Variants in FAM13C observed in about 807,000 individuals in gnomAD.
The protein encoded by FAM13C is family with sequence similarity 13 member C.
Under a neutral mutation model 73.2 loss-of-function variants are expected in FAM13C, and 37 were observed. That is an observed-to-expected ratio of 0.51 (90% CI 0.39 to 0.67). FAM13C has a LOEUF of 0.67. Ranked by LOEUF, FAM13C falls within the 30% of genes least tolerant of loss-of-function variation. The pLI, the probability that FAM13C is intolerant of heterozygous loss-of-function variation, is 0.00. For missense variants in FAM13C, 589 were observed against 715.6 expected (o/e 0.82, Z 2.02); for synonymous variants, 246 against 260.9 (o/e 0.94, Z 0.55).
At chr10:59,249,408 G>GAAAAAAAAAAAAAAAAAAAAAAAAAA (rs71006241) in intron 13 of FAM13C, among the ~76,000 whole-genome samples, 1 of 99,164 alleles carries the variant, frequency 1.0e-5, no homozygotes, top group Non-Finnish European at 1.8e-5. Flanking sequence ...CGTCTCAAAA[G>GAAAAAAAAAAAAAAAAAAAAAAAAAA]AAAAAAAAAA....
chr10:59,346,316 T>C (rs934228215), intron 3 of FAM13C, among the ~76,000 whole-genome samples: 1 of 152,210 alleles, frequency 6.6e-6, no homozygotes. Flanking sequence ...ATTTTATAGT[T>C]AGGTTATTTT....
At chr10:59,339,382 G>A (rs1259014111) in intron 3 of FAM13C, among the ~76,000 whole-genome samples, 1 of 146,608 alleles carries the variant, frequency 6.8e-6, no homozygotes, top group African/African-American at 2.5e-5. Context: ...CCCTCTTATG[G>A]TAAAAGTTCA....
rs1216718851 is a variant in FAM13C at position 59,265,330 on chromosome 10, G to GA, written c.943-1165_943-1164insT. On this transcript the variant is annotated intron_variant, in intron 8 of 13. Transcript: ENST00000618804. ...TAGGGAAGGGGTTTTGGCGGGGGGGGGGGGGAATCCTGGTTTCAGGACCAT... is the reference window on the plus strand; with the variant it reads ...TAGGGAAGGGGTTTTGGCGGGGGGGGAGGGGGAATCCTGGTTTCAGGACCAT... 0.013 allele frequency among the ~76,000 whole-genome samples: 661 copies of GA among 52,384 alleles called. 209 individuals are homozygous for GA. In the East Asian group the frequency reaches 0.15, roughly 12 times the overall value. 34.4% of individuals were successfully genotyped at this position (52,384 alleles called of 152,430 possible).
In FAM13C at chr10:59,301,217, A is replaced by G. The variant is rs532145717; in HGVS notation, c.507+1584T>C. The G allele has an allele frequency of 3.3e-5, 5 of 152,338 alleles. No individual in the cohort carries two copies. The East Asian group carries it at 7.7e-4, about 23-fold the overall frequency. The allele number at this position is 152,338 out of a possible 1,614,324, so 9.4% of individuals were successfully genotyped here. A position where few individuals can be genotyped will look rare whatever the true frequency, so the allele number is the denominator to read the frequency against. ...TTGGCCATAACAGAAACTGTGTGAAAGAATGTGGGTCAATCTATATAGTTC... is the reference window on the plus strand; with the variant it reads ...TTGGCCATAACAGAAACTGTGTGAAGGAATGTGGGTCAATCTATATAGTTC... On this transcript the variant is annotated intron_variant, in intron 5 of 13. Transcript: ENST00000618804.
At chr10:59,276,635 G>T (rs74151081) in intron 6 of FAM13C, among the ~76,000 whole-genome samples, 4,758 of 152,256 alleles carry the variant, frequency 0.031, 115 homozygotes, top group Admixed American at 0.074. Flanking sequence ...GCAAAGGGCA[G>T]AGTTGAATTA....
intron 5 of FAM13C, among the ~76,000 whole-genome samples, chr10:59,284,839 T>C (rs898372): frequency 0.24 from 35,852 of 150,134 alleles, 5,843 homozygotes; most frequent in African/African-American, 0.46. Context: ...CACACCCACC[T>C]CACACACACC....
At chr10:59,320,386 T>C (rs868550283) in intron 4 of FAM13C, among the ~76,000 whole-genome samples, 4 of 152,118 alleles carry the variant, frequency 2.6e-5, no homozygotes, top group Non-Finnish European at 5.9e-5. Flanking sequence ...GGGTGGGGCA[T>C]GGCAAATGGG....
intron 5 of FAM13C, among the ~76,000 whole-genome samples, chr10:59,293,497 T>C (rs1162728449): frequency 6.6e-6 from 1 of 152,206 alleles, no homozygotes; most frequent in African/African-American, 2.4e-5. Flanking sequence ...TAAATGACAA[T>C]ATTTCACTCT....
chr10:59,343,573 G>A (rs898553908), intron 3 of FAM13C, among the ~76,000 whole-genome samples: 5 of 152,214 alleles, frequency 3.3e-5, no homozygotes, highest in Admixed American at 3.3e-4. Flanking sequence ...TTACGGCAAA[G>A]CATTGACCAG....
At chr10:59,281,437 G>C (rs1844908848) in intron 6 of FAM13C, among the ~76,000 whole-genome samples, 1 of 152,154 alleles carries the variant, frequency 6.6e-6, no homozygotes, top group Non-Finnish European at 1.5e-5. Context: ...CAAATGAAGA[G>C]ACTCCTTAGG....
At chr10:59,294,187 C>T (rs1846622438) in intron 5 of FAM13C, among the ~76,000 whole-genome samples, 1 of 152,226 alleles carries the variant, frequency 6.6e-6, no homozygotes, top group South Asian at 2.1e-4. Context: ...ATAAAAACTA[C>T]AGCACAGGCT....
At chr10:59,275,343 A>G (rs1252888119) in intron 6 of FAM13C, among the ~76,000 whole-genome samples, 2 of 152,166 alleles carry the variant, frequency 1.3e-5, no homozygotes, top group Non-Finnish European at 2.9e-5. Flanking sequence ...AGAGGAACGT[A>G]TGATTCTCAA....
At chr10:59,273,300 C>T (rs1843937368) in intron 6 of FAM13C, among the ~76,000 whole-genome samples, 1 of 152,152 alleles carries the variant, frequency 6.6e-6, no homozygotes, top group Non-Finnish European at 1.5e-5. Flanking sequence ...ATAGAAACTA[C>T]TGAACACAGC....
chr10:59,265,322 CGG>C lies in FAM13C; in HGVS notation c.943-1158_943-1157del, dbSNP rs1554811319. Among the ~76,000 whole-genome samples the C allele has an allele frequency of 8.6e-4, 15 of 17,532 alleles. 7 individuals are homozygous for C. Among genetic ancestry groups the C allele is most frequent in the Admixed American group, 3.8e-3 (4 of 1,050 alleles). 11.5% of individuals were successfully genotyped at this position (17,532 alleles called of 152,430 possible). A position where few individuals can be genotyped will look rare whatever the true frequency, so the allele number is the denominator to read the frequency against. ...CAGAGGGATAGGGAAGGGGTTTTGG[CGG>C]GGGGGGGGGGGAATCCTGGTTTCAG... is the stretch of plus-strand genomic sequence containing the variant. On this transcript the variant is annotated intron_variant, in intron 8 of 13. Coordinates refer to ENST00000618804, the MANE Select transcript of FAM13C (RefSeq NM_198215.4).
chr10:59,318,815 C>A (rs1234215290), intron 4 of FAM13C, among the ~76,000 whole-genome samples: 1 of 152,044 alleles, frequency 6.6e-6, no homozygotes, highest in African/African-American at 2.4e-5. Flanking sequence ...TGTTTTTTAT[C>A]TCTACCTCAT....
chr10:59,260,376 G>T (rs1842382078), intron 10 of FAM13C, among the ~76,000 whole-genome samples: 1 of 152,068 alleles, frequency 6.6e-6, no homozygotes, highest in African/African-American at 2.4e-5. Flanking sequence ...CTGTCTTTCT[G>T]ACTTGATCTC....
chr10:59,247,759 GT>G (rs1840849907), intron 13 of FAM13C, 22 bp from the exon 14 acceptor site: 1 of 1,603,368 alleles, frequency 6.2e-7, no homozygotes, highest in South Asian at 1.1e-5. Flanking sequence ...AAATACATTT[GT>G]TAGTTCACAA....
intron 5 of FAM13C, among the ~76,000 whole-genome samples, chr10:59,287,536 C>A (rs955243457): frequency 6.6e-6 from 1 of 151,586 alleles, no homozygotes; most frequent in African/African-American, 2.4e-5. Context: ...CTTGTATATT[C>A]TGCAAAGCAG....
intron 4 of FAM13C, among the ~76,000 whole-genome samples, chr10:59,316,981 G>C (rs1224111178): frequency 6.6e-6 from 1 of 151,984 alleles, no homozygotes; most frequent in Admixed American, 6.6e-5. Flanking sequence ...TATTCTTAGA[G>C]ACAAATTTAT....
Sources: allele counts gnomAD v4.1 joint callset (sites outside exome capture counted in the v4.1 genomes callset), GRCh38; gene constraint gnomAD v4.1.1; transcripts MANE v1.5; gene names NCBI Gene and HGNC (gene_info 2026-07-23, HGNC 2026-07-21).